The following ZNF804A variants were observed in gnomAD, a reference collection of about 807,000 sequenced individuals.
The protein encoded by ZNF804A is zinc finger protein 804A.
A neutral mutation model predicts 16.5 loss-of-function variants in ZNF804A; 2 were observed. That is an observed-to-expected ratio of 0.12 (90% CI 0.05 to 0.38). ZNF804A has a LOEUF of 0.38. Among genes scored for constraint, ZNF804A ranks in the 10% least tolerant of loss-of-function variants. The pLI is 0.99. For missense variants in ZNF804A, 1,473 were observed against 1,390.7 expected (o/e 1.06, Z -0.94); for synonymous variants, 534 against 489.6 (o/e 1.09, Z -1.20).
chr2:184,850,332 C>T (rs1421345379), intron 1 of ZNF804A, among the ~76,000 whole-genome samples: 3 of 151,674 alleles, frequency 2.0e-5, no homozygotes, highest in African/African-American at 7.3e-5. Flanking sequence ...ATCATGTGTA[C>T]CCATAATAAT....
intron 1 of ZNF804A, among the ~76,000 whole-genome samples, chr2:184,682,037 C>T (rs1692549868): frequency 6.6e-6 from 1 of 152,216 alleles, no homozygotes; most frequent in Admixed American, 6.5e-5. Context: ...CCGCCTCAGC[C>T]CCCTCTGAAA....
chr2:184,679,387 T>A (rs1204928762), intron 1 of ZNF804A, among the ~76,000 whole-genome samples: 1 of 152,152 alleles, frequency 6.6e-6, no homozygotes, highest in Non-Finnish European at 1.5e-5. Context: ...TGACCAGGGA[T>A]GCATGCTCCA....
intron 1 of ZNF804A, among the ~76,000 whole-genome samples, chr2:184,839,367 C>T (rs183522812): frequency 5.9e-5 from 9 of 151,976 alleles, no homozygotes; most frequent in Non-Finnish European, 8.8e-5. Context: ...TTTGGGGATT[C>T]GTATGCAATT....
At chr2:184,603,063 A>T (rs1264678459) in intron 1 of ZNF804A, among the ~76,000 whole-genome samples, 5 of 152,182 alleles carry the variant, frequency 3.3e-5, no homozygotes, top group African/African-American at 1.2e-4. Context: ...GTCGGACCTA[A>T]ATGCCTTGTT....
chr2:184,832,375 A>G (rs149191238), intron 1 of ZNF804A, among the ~76,000 whole-genome samples: 22 of 152,186 alleles, frequency 1.4e-4, no homozygotes, highest in African/African-American at 5.3e-4. Flanking sequence ...ATACCATGTT[A>G]CATTTTAAAT....
chr2:184,782,552 C>T (rs988235128), intron 1 of ZNF804A, among the ~76,000 whole-genome samples: 2 of 151,534 alleles, frequency 1.3e-5, no homozygotes, highest in African/African-American at 2.4e-5. Context: ...TTAGACTCCA[C>T]GTTCTTCAGT....
chr2:184,674,851 C>T (rs1030549450), intron 1 of ZNF804A, among the ~76,000 whole-genome samples: 4 of 151,484 alleles, frequency 2.6e-5, no homozygotes, highest in Non-Finnish European at 5.9e-5. Context: ...AGTAAAATTC[C>T]ATGTCAACAA....
At chr2:184,602,619 A>T (rs572523033) in intron 1 of ZNF804A, among the ~76,000 whole-genome samples, 21 of 152,166 alleles carry the variant, frequency 1.4e-4, no homozygotes, top group Middle Eastern at 6.9e-3. Context: ...TGGAATTTAA[A>T]TATCCCTTTA....
chr2:184,813,673 A>G (rs77335821), intron 1 of ZNF804A, among the ~76,000 whole-genome samples: 1 of 152,162 alleles, frequency 6.6e-6, no homozygotes, highest in East Asian at 1.9e-4. Flanking sequence ...TCACAATTTT[A>G]TTTAACCATC....
chr2:184,747,321 CA>C (rs397986917), intron 1 of ZNF804A, among the ~76,000 whole-genome samples: 21,402 of 77,962 alleles, frequency 0.27, 1,079 homozygotes, highest in African/African-American at 0.35. Context: ...AATCTTGCTG[CA>C]AAAAAAAAAA....
At chr2:184,700,807 G>T (rs1396019903) in intron 1 of ZNF804A, among the ~76,000 whole-genome samples, 1 of 151,962 alleles carries the variant, frequency 6.6e-6, no homozygotes, top group Non-Finnish European at 1.5e-5. Context: ...TAAACAGTAA[G>T]TGAATTATGT....
intron 1 of ZNF804A, among the ~76,000 whole-genome samples, chr2:184,709,475 C>G (rs963144991): frequency 1.3e-5 from 2 of 151,796 alleles, no homozygotes; most frequent in Non-Finnish European, 2.9e-5. Flanking sequence ...ATTCTGAGAA[C>G]AATCCTGTAA....
intron 1 of ZNF804A, among the ~76,000 whole-genome samples, chr2:184,811,290 A>G (rs974800983): frequency 2.0e-5 from 3 of 152,192 alleles, no homozygotes; most frequent in African/African-American, 7.2e-5. Context: ...ATTCCTTTAT[A>G]GTGTCAGTAG....
At chr2:184,856,582 T>C (rs1292997841) in intron 1 of ZNF804A, among the ~76,000 whole-genome samples, 1 of 152,116 alleles carries the variant, frequency 6.6e-6, no homozygotes, top group African/African-American at 2.4e-5. Context: ...AATGATTGTT[T>C]ATCAGTTGCG....
At chr2:184,764,516 T>C (rs959881902) in intron 1 of ZNF804A, among the ~76,000 whole-genome samples, 1 of 152,154 alleles carries the variant, frequency 6.6e-6, no homozygotes, top group African/African-American at 2.4e-5. Context: ...ACATATGAAA[T>C]TGTCCATCAA....
At chr2:184,678,622 G>T (rs1283491970) in intron 1 of ZNF804A, among the ~76,000 whole-genome samples, 2 of 152,124 alleles carry the variant, frequency 1.3e-5, no homozygotes, top group Non-Finnish European at 2.9e-5. Context: ...CCGGAGAAAA[G>T]CATTTGCATT....
chr2:184,619,770 T>C (rs1691388177), intron 1 of ZNF804A, among the ~76,000 whole-genome samples: 1 of 151,938 alleles, frequency 6.6e-6, no homozygotes, highest in South Asian at 2.1e-4. Flanking sequence ...AAATTATCGT[T>C]ATTTATAACA....
chr2:184,750,988 G>C lies in ZNF804A; in HGVS notation c.112-115381G>C, dbSNP rs546830521. Among the ~76,000 whole-genome samples the C allele has an allele frequency of 2.0e-5, 3 of 151,490 alleles. No homozygotes were observed. The South Asian group carries it at 6.2e-4, about 31-fold the overall frequency. ...AGCAAAATGGTCTACTGTTCACCCT[G>C]TTGCCACAAATGGAAGGATATTCCC... On this transcript the variant is annotated intron_variant, in intron 1 of 3. Coordinates refer to ENST00000302277, the MANE Select transcript of ZNF804A (RefSeq NM_194250.2).
chr2:184,655,802 A>G (rs953930699), intron 1 of ZNF804A, among the ~76,000 whole-genome samples: 1 of 152,142 alleles, frequency 6.6e-6, no homozygotes, highest in Non-Finnish European at 1.5e-5. Context: ...TTCTGCCTTA[A>G]CAATTACCAT....
Sources: gnomAD v4.1 joint callset for allele counts (sites outside exome capture counted in the v4.1 genomes callset) on GRCh38, gnomAD v4.1.1 for gene constraint, MANE v1.5 for transcripts, NCBI Gene and HGNC (gene_info 2026-07-23, HGNC 2026-07-21) for gene names.